The following PRH1 variants were observed in gnomAD, a reference collection of about 807,000 sequenced individuals.
PRH1 encodes proline rich protein HaeIII subfamily 1.
In PRH1, 7 loss-of-function variants were observed where a neutral mutation model predicts 7.9. That is an observed-to-expected ratio of 0.89 (90% CI 0.50 to 1.67). PRH1 has a LOEUF of 1.67. Ranked by LOEUF, PRH1 falls within the 40% of genes most tolerant of loss-of-function variation. The pLI, the probability that PRH1 is intolerant of heterozygous loss-of-function variation, is 0.00. For missense variants in PRH1, 109 were observed against 223.6 expected (o/e 0.49, Z 3.27); for synonymous variants, 45 against 80.8 (o/e 0.56, Z 2.38).
chr12:11,098,841 G>C (rs535507751), intron 1 of PRH1, among the ~76,000 whole-genome samples: 34 of 152,178 alleles, frequency 2.2e-4, no homozygotes, highest in Non-Finnish European at 3.8e-4. Flanking sequence ...ACACGCATGT[G>C]CACACCACTT....
chr12:11,058,986 T>C (rs968739980), intron 1 of PRH1, among the ~76,000 whole-genome samples: 5 of 152,134 alleles, frequency 3.3e-5, no homozygotes, highest in Admixed American at 3.3e-4. Flanking sequence ...ATCCTTCCAT[T>C]TGGGACTTGA....
At chr12:11,044,995 T>C (rs1359183367) in intron 1 of PRH1, among the ~76,000 whole-genome samples, 2 of 151,888 alleles carry the variant, frequency 1.3e-5, no homozygotes, top group African/African-American at 2.4e-5. Flanking sequence ...ATCAAACAGG[T>C]ATCTACACTC....
At position 10,907,173 on chromosome 12, in the gene PRH1, T is replaced by C. The variant is rs111267571; in HGVS notation, c.-58-22898A>G. Among the ~76,000 whole-genome samples, 66 of 152,294 alleles carry C rather than the reference T, an allele frequency of 4.3e-4. 1 individual carries two copies. In the East Asian group the frequency reaches 9.8e-3, roughly 23 times the overall value. On this transcript the variant is annotated intron_variant, in intron 2 of 3. Coordinates refer to the PRH1 transcript ENST00000539853. Reference sequence around the variant, plus strand: ...AGTATGAAATGGTGCAACCACTCTATAGAACTCTGGCAGTTTTTTCTTAAG... The same window carrying C: ...AGTATGAAATGGTGCAACCACTCTACAGAACTCTGGCAGTTTTTTCTTAAG...
intron 2 of PRH1, among the ~76,000 whole-genome samples, chr12:10,943,685 A>G (rs773738493): frequency 3.3e-5 from 5 of 151,888 alleles, no homozygotes; most frequent in Non-Finnish European, 7.4e-5. Context: ...GTTGTCTTCC[A>G]GGGCTTTTAC....
intron 1 of PRH1, among the ~76,000 whole-genome samples, chr12:11,074,250 T>G (rs372893562): frequency 0.5 from 53,109 of 106,282 alleles, 12,369 homozygotes; most frequent in Non-Finnish European, 0.6. Flanking sequence ...AATAGAGAAC[T>G]TATTTGGAGA....
At chr12:11,044,656 A>G (rs774865949) in intron 1 of PRH1, among the ~76,000 whole-genome samples, 9 of 152,190 alleles carry the variant, frequency 5.9e-5, no homozygotes, top group African/African-American at 9.6e-5. Context: ...TGCATTTCTC[A>G]AAAGAAGATA....
intron 1 of PRH1, among the ~76,000 whole-genome samples, chr12:11,101,765 T>C (rs1025678665): frequency 4.6e-5 from 7 of 152,082 alleles, no homozygotes; most frequent in East Asian, 1.9e-4. Flanking sequence ...GGTAAGAAAA[T>C]AGAATTTGCC....
intron 1 of PRH1, among the ~76,000 whole-genome samples, chr12:11,112,221 G>A (rs891652008): frequency 2.0e-5 from 3 of 152,022 alleles, no homozygotes; most frequent in Non-Finnish European, 4.4e-5. Flanking sequence ...TTCTACCAGA[G>A]GTACAAAGAG....
rs377679590 is a variant in PRH1 at position 11,133,459 on chromosome 12, C to A, written n.40-12279G>T. On this transcript the variant is annotated intron_variant and non_coding_transcript_variant, in intron 1 of 1. Coordinates refer to the PRH1 transcript ENST00000541175. Reference sequence around the variant, plus strand: ...AGCTGAATATAATAGCTTGGCAGAACATGAAGACAGGTTGCTTTTCCAGCC... The same window carrying A: ...AGCTGAATATAATAGCTTGGCAGAAAATGAAGACAGGTTGCTTTTCCAGCC... 57 of 1,613,940 alleles carry A rather than the reference C, an allele frequency of 3.5e-5. No individual in the cohort carries two copies. The highest frequency in any genetic ancestry group is 1.0e-4 in the Admixed American group (6 of 59,988).
At chr12:11,102,203 A>T (rs1945276899) in intron 1 of PRH1, among the ~76,000 whole-genome samples, 1 of 152,332 alleles carries the variant, frequency 6.6e-6, no homozygotes, top group East Asian at 1.9e-4. Flanking sequence ...TTTAAAGTTC[A>T]TATGGAACCA....
intron 1 of PRH1, among the ~76,000 whole-genome samples, chr12:11,062,649 T>C (rs1943663203): frequency 6.6e-6 from 1 of 152,132 alleles, no homozygotes; most frequent in African/African-American, 2.4e-5. Context: ...TTTCAGTGTT[T>C]GCAATTTTTC....
intron 1 of PRH1, among the ~76,000 whole-genome samples, chr12:10,998,785 C>T (rs1235536545): frequency 6.6e-6 from 1 of 152,092 alleles, no homozygotes; most frequent in African/African-American, 2.4e-5. Context: ...TTGCAGTGTC[C>T]TCCCACCACA....
chr12:11,110,491 G>C (rs1260681103), intron 1 of PRH1, among the ~76,000 whole-genome samples: 4 of 152,198 alleles, frequency 2.6e-5, no homozygotes, highest in African/African-American at 7.2e-5. Context: ...CTACAAGCCG[G>C]AAGAGAGTGG....
intron 1 of PRH1, among the ~76,000 whole-genome samples, chr12:11,163,936 T>C (rs551932328): frequency 2.0e-5 from 3 of 152,320 alleles, no homozygotes; most frequent in Admixed American, 1.3e-4. Flanking sequence ...GAGGTAAAGC[T>C]ATTATTTCTT....
chr12:11,017,218 T>C (rs576381099), intron 1 of PRH1, among the ~76,000 whole-genome samples: 3 of 152,388 alleles, frequency 2.0e-5, no homozygotes, highest in Admixed American at 6.5e-5. Flanking sequence ...CACTGTTTTA[T>C]GTCAGGGCTT....
chr12:10,946,536 C>T (rs562045674), intron 2 of PRH1, among the ~76,000 whole-genome samples: 1 of 152,142 alleles, frequency 6.6e-6, no homozygotes, highest in South Asian at 2.1e-4. Context: ...TCTCTCTTTT[C>T]TTCTTAATTA....
At chr12:11,086,117 C>T (rs1427302771) in intron 1 of PRH1, among the ~76,000 whole-genome samples, 2 of 18,424 alleles carry the variant, frequency 1.1e-4, no homozygotes, top group East Asian at 0.014. Context: ...CCCCCCCACA[C>T]ACACACCCCT....
chr12:11,079,636 C>A (rs1944431954), intron 1 of PRH1, among the ~76,000 whole-genome samples: 1 of 117,668 alleles, frequency 8.5e-6, no homozygotes, highest in South Asian at 2.3e-4. Context: ...AACATGTCCA[C>A]CCTTGTTGTG....
chr12:10,992,044 T>A (rs1395316825), intron 1 of PRH1, among the ~76,000 whole-genome samples: 1 of 152,116 alleles, frequency 6.6e-6, no homozygotes, highest in Non-Finnish European at 1.5e-5. Flanking sequence ...GGACAAGAGT[T>A]GCAAAAGCTG....
Sources: gnomAD v4.1 joint callset for allele counts (sites outside exome capture counted in the v4.1 genomes callset) on GRCh38, gnomAD v4.1.1 for gene constraint, MANE v1.5 for transcripts, NCBI Gene and HGNC (gene_info 2026-07-23, HGNC 2026-07-21) for gene names.